SMARCAD1: variants seen among roughly 807,000 people sequenced by gnomAD.
The protein encoded by SMARCAD1 is SWI/SNF-related matrix-associated actin-dependent regulator of chromatin subfamily A containing DEAD/H box 1.
SMARCAD1 carries 25 observed loss-of-function variants against 127.1 expected under a neutral mutation model. The observed-to-expected ratio is 0.20, with a 90% confidence interval of 0.14 to 0.27. The LOEUF is 0.27. SMARCAD1 is among the 10% of genes least tolerant of loss of function. The pLI is 1.00. For synonymous variants in SMARCAD1, 400 were observed against 396.9 expected, an observed-to-expected ratio of 1.01 and a Z score of -0.09; for missense variants, 807 against 1,206.0, an observed-to-expected ratio of 0.67 and a Z score of 4.90.
chr4:94,286,234 T>C (rs1341586045), intron 23 of SMARCAD1, among the ~76,000 whole-genome samples: 3 of 152,162 alleles, frequency 2.0e-5, no homozygotes, highest in Non-Finnish European at 4.4e-5. Context: ...TATTTAAATA[T>C]TAATAGTTAA....
chr4:94,249,627 G>GTTTT, intron 6 of SMARCAD1, 27 bp from the exon 7 acceptor site: 1 of 1,227,018 alleles, frequency 8.1e-7, no homozygotes, highest in Non-Finnish European at 1.2e-6. Flanking sequence ...CTCTTAAATT[G>GTTTT]TTTTCTTTTT....
At chr4:94,280,018 C>G (rs1338485547) in intron 19 of SMARCAD1, among the ~76,000 whole-genome samples, 1 of 152,084 alleles carries the variant, frequency 6.6e-6, no homozygotes, top group Admixed American at 6.5e-5. Context: ...GCACCTACCA[C>G]TACGCCCAGC....
intron 3 of SMARCAD1, among the ~76,000 whole-genome samples, chr4:94,229,481 G>T (rs1479836542): frequency 6.6e-6 from 1 of 152,064 alleles, no homozygotes; most frequent in Non-Finnish European, 1.5e-5. Context: ...AGTTTTGGCA[G>T]CTGAGGGCCT....
intron 2 of SMARCAD1, among the ~76,000 whole-genome samples, chr4:94,225,738 G>A (rs1160478982): frequency 6.6e-6 from 1 of 152,138 alleles, no homozygotes; most frequent in Non-Finnish European, 1.5e-5. Flanking sequence ...TATTTACAGA[G>A]GAGGAAATTA....
rs35038953 is a variant in SMARCAD1, at chr4:94,242,741, CA to C, written c.705+1752del. ...CAATATAGTGGGACTCCTGTCTCTG[CA>C]AAAAAAAAAAAAAAAATTTTTTTAA... On this transcript the variant is annotated intron_variant, in intron 6 of 23. Transcript: ENST00000354268. Among the ~76,000 whole-genome samples, 390 of 127,600 alleles carry C rather than the reference CA, an allele frequency of 3.1e-3. 2 individuals carry two copies. Among genetic ancestry groups the C allele is most frequent in the African/African-American group, 8.3e-3 (271 of 32,500 alleles). 83.7% of individuals were successfully genotyped at this position (127,600 alleles called of 152,430 possible). A position where few individuals can be genotyped will look rare whatever the true frequency, so the allele number is the denominator to read the frequency against.
At chr4:94,232,904 T>C (rs1185452710) in intron 3 of SMARCAD1, among the ~76,000 whole-genome samples, 4 of 152,072 alleles carry the variant, frequency 2.6e-5, no homozygotes, top group African/African-American at 9.7e-5. Context: ...TGCTAGAGCC[T>C]GTAAGACAAA....
intron 9 of SMARCAD1, among the ~76,000 whole-genome samples, chr4:94,258,337 C>T (rs1486833864): frequency 2.0e-5 from 3 of 151,834 alleles, no homozygotes; most frequent in Admixed American, 2.0e-4. Flanking sequence ...GTATTTTTAG[C>T]AGAGACGGAG....
chr4:94,278,871 A>G (rs191939010), intron 18 of SMARCAD1, 58 bp from the exon 19 acceptor site: 1 of 1,608,188 alleles, frequency 6.2e-7, no homozygotes, highest in East Asian at 2.2e-5. Context: ...CTTAGTTGAT[A>G]TATTTCAACA....
chr4:94,208,607 A>C (rs773545053), intron 2 of SMARCAD1, 23 bp downstream of exon 2: 2 of 1,603,500 alleles, frequency 1.2e-6, no homozygotes, highest in Non-Finnish European at 1.7e-6. Flanking sequence ...GTTAAAATTG[A>C]TGTAACATCA....
chr4:94,245,533 T>G (rs1374695693), intron 6 of SMARCAD1, among the ~76,000 whole-genome samples: 2 of 152,200 alleles, frequency 1.3e-5, no homozygotes, highest in Non-Finnish European at 2.9e-5. Flanking sequence ...TATTTTAAGT[T>G]AGTACAGCAG....
chr4:94,264,978 C>G (rs542869680), intron 10 of SMARCAD1, 72 bp downstream of exon 10: 2 of 1,457,532 alleles, frequency 1.4e-6, no homozygotes, highest in Non-Finnish European at 1.9e-6. Context: ...ATTTCTGTAT[C>G]GTGCCTAGAA....
chr4:94,254,078 T>G (rs1490436016), intron 9 of SMARCAD1, among the ~76,000 whole-genome samples: 2 of 152,152 alleles, frequency 1.3e-5, no homozygotes, highest in African/African-American at 4.8e-5. Context: ...ACAATGGTTG[T>G]AAATACATTT....
intron 22 of SMARCAD1, among the ~76,000 whole-genome samples, chr4:94,284,242 A>T (rs1754529665): frequency 7.0e-6 from 1 of 142,860 alleles, no homozygotes; most frequent in Non-Finnish European, 1.5e-5. Context: ...CAGGAGAATG[A>T]CGTGAAGCCG....
intron 21 of SMARCAD1, among the ~76,000 whole-genome samples, chr4:94,282,348 G>T (rs976324623): frequency 1.2e-4 from 18 of 150,854 alleles, no homozygotes; most frequent in Non-Finnish European, 8.9e-5. Flanking sequence ...CGCCCGCCTC[G>T]GCCTCCCAAA....
intron 9 of SMARCAD1, chr4:94,253,433 G>C: frequency 1.7e-6 from 2 of 1,196,196 alleles, no homozygotes; most frequent in Non-Finnish European, 2.1e-6. Flanking sequence ...ACGGCCAGGG[G>C]AGCTCCATGA....
Position 94,290,187 on chromosome 4 carries a change from T to C in SMARCAD1, c.*653T>C, listed in dbSNP as rs1560576508. 1 of 454,510 alleles carries C rather than the reference T, an allele frequency of 2.2e-6. No individual in the cohort carries two copies. The highest frequency in any genetic ancestry group is 4.4e-6 in the Non-Finnish European group (1 of 226,750). The allele number at this position is 454,510 out of a possible 1,614,324, so 28.2% of individuals were successfully genotyped here. ...AAGTTGTTTTCCAGTGAATAGTAAC[T>C]AAAGAAGCCCCTACCTTGCTCCATG... On this transcript the variant is annotated 3_prime_UTR_variant, in exon 24 of 24. Transcript: ENST00000354268.
In SMARCAD1 at chr4:94,252,870, G is replaced by A. The variant is rs2125917969; in HGVS notation, c.1144G>A (p.Glu382Lys). The A allele has an allele frequency of 6.2e-7, 1 of 1,614,112 alleles. No homozygotes were observed. The highest frequency in any genetic ancestry group is 2.2e-5 in the East Asian group (1 of 44,856). Residue 382 changes from glutamate to lysine, a missense_variant, in exon 9 of 24, where the codon GAG becomes AAG. By Grantham distance (56) the Glu-to-Lys change is moderately conservative (BLOSUM62 1). Coordinates refer to ENST00000354268, the MANE Select transcript of SMARCAD1 (RefSeq NM_020159.5). ...CTATAGTAGTGGTGAAGAAGTGATG[G>A]AGGATGGCTATAAAGGTAAAATTCT... ...EDYSSGEEVMEDGYKGKILHF... is the reference protein window; with the variant it reads ...EDYSSGEEVMKDGYKGKILHF...
In SMARCAD1 at chr4:94,264,878, A is replaced by G. The variant is rs1321218870; in HGVS notation, c.1453A>G (p.Ile485Val). ...MLTGNGGGWN[I>V]EQPSILNQSL... ...TACTGGAAATGGAGGTGGATGGAAC[A>G]TAGAACAACCTTCCATTCTAAACCA... The change falls in exon 10 of 24, where the codon ATA becomes GTA. Residue 485 changes from isoleucine to valine, a missense_variant. Transcript: ENST00000354268. 7 of 1,612,834 alleles carry G rather than the reference A, an allele frequency of 4.3e-6. No homozygotes were observed. The highest frequency in any genetic ancestry group is 1.3e-5 in the African/African-American group (1 of 74,898).
intron 10 of SMARCAD1, among the ~76,000 whole-genome samples, chr4:94,265,774 A>T (rs1751656843): frequency 6.6e-6 from 1 of 152,026 alleles, no homozygotes; most frequent in Admixed American, 6.6e-5. Flanking sequence ...AAATTAGGGA[A>T]TAATTGAAAT....
Sources: gnomAD v4.1 joint callset for allele counts (sites outside exome capture counted in the v4.1 genomes callset) on GRCh38, gnomAD v4.1.1 for gene constraint, MANE v1.5 for transcripts, NCBI Gene and HGNC (gene_info 2026-07-23, HGNC 2026-07-21) for gene names.